Variants in GTF2H5 observed in about 807,000 individuals in gnomAD.
GTF2H5 encodes general transcription factor IIH subunit 5.
A neutral mutation model predicts 7.1 loss-of-function variants in GTF2H5; 5 were observed. That is an observed-to-expected ratio of 0.71 (90% CI 0.37 to 1.49). The LOEUF (loss-of-function observed/expected upper bound fraction) is 1.49, where lower values mean the gene tolerates loss of function less well. Ranked by LOEUF, GTF2H5 falls within the 40% of genes most tolerant of loss-of-function variation. The probability of loss-of-function intolerance (pLI) is 0.03; values close to 1 mark genes in which losing one functional copy is unlikely to be tolerated. For synonymous variants in GTF2H5, 30 were observed against 31.7 expected (o/e 0.95, Z 0.18); for missense variants, 80 against 83.0 (o/e 0.96, Z 0.14).
rs930613603 is a variant in GTF2H5, at chr6:158,195,374, G to A, written c.*3217G>A. 11 of 152,034 alleles carry A rather than the reference G, an allele frequency of 7.2e-5. No homozygotes were observed. The highest frequency in any genetic ancestry group is 1.3e-4 in the Non-Finnish European group (9 of 67,994). The allele number at this position is 152,034 out of a possible 1,614,324, so 9.4% of individuals were successfully genotyped here. ...GGTTTTTTCTTTTAATACTGTATTA[G>A]GTCAAATTCAAGGTCTTAATTCCTT... On this transcript the variant is annotated 3_prime_UTR_variant, in exon 3 of 3. Transcript: ENST00000607778.
At chr6:158,169,849 A>G (rs1304808308) in intron 1 of GTF2H5, among the ~76,000 whole-genome samples, 1 of 137,038 alleles carries the variant, frequency 7.3e-6, no homozygotes, top group East Asian at 2.0e-4. Context: ...ACACACACAC[A>G]CACACGATAC....
Position 158,196,319 on chromosome 6 carries a change from T to TCTAGA in GTF2H5, c.*4163_*4167dup, listed in dbSNP as rs1301659682. On this transcript the variant is annotated 3_prime_UTR_variant, in exon 3 of 3. Transcript: ENST00000607778. ...ATAAAAATGAAAAGCACTGATTGAA[T>TCTAGA]CTAGATTCCTTGAGTCCAAGTGTCA... is the stretch of plus-strand genomic sequence containing the variant. The TCTAGA allele has an allele frequency of 6.6e-6, 1 of 152,156 alleles. No individual in the cohort carries two copies. Among genetic ancestry groups the TCTAGA allele is most frequent in the East Asian group, 1.9e-4 (1 of 5,186 alleles). The allele number at this position is 152,156 out of a possible 1,614,324, so 9.4% of individuals were successfully genotyped here.
At chr6:158,182,165 T>A (rs576758699) in intron 2 of GTF2H5, among the ~76,000 whole-genome samples, 3 of 152,362 alleles carry the variant, frequency 2.0e-5, no homozygotes, top group Non-Finnish European at 4.4e-5. Context: ...AAATTCTGGG[T>A]TGAAAATTCT....
intron 1 of GTF2H5, among the ~76,000 whole-genome samples, chr6:158,169,622 AAT>A (rs1457235408): frequency 1.2e-5 from 1 of 85,894 alleles, no homozygotes; most frequent in Non-Finnish European, 1.9e-5. Flanking sequence ...TATTACATAT[AAT>A]ATATTGTATA....
chr6:158,168,370 A>T lies in GTF2H5; in HGVS notation c.-60A>T, dbSNP rs1025569674. 8 of 152,300 alleles carry T rather than the reference A, an allele frequency of 5.3e-5. No individual in the cohort carries two copies. Among genetic ancestry groups the T allele is most frequent in the African/African-American group, 1.9e-4 (8 of 41,458 alleles). 9.4% of individuals were successfully genotyped at this position (152,300 alleles called of 1,614,324 possible). On this transcript the variant is annotated 5_prime_UTR_variant, in exon 1 of 3. Coordinates refer to ENST00000607778, the MANE Select transcript of GTF2H5 (RefSeq NM_207118.3). The stretch of plus-strand genomic sequence containing the variant: ...CAGGCGCACTCTGCCGGCAACGCCG[A>T]GGCGCTTCTGCATCTGTGGGCCGAG...
chr6:158,169,752 ATATATTG>A (rs1785808957), intron 1 of GTF2H5, among the ~76,000 whole-genome samples: 1 of 66,384 alleles, frequency 1.5e-5, no homozygotes, highest in Non-Finnish European at 2.7e-5. Flanking sequence ...ATATTATATA[ATATATTG>A]TATATTATAT....
intron 2 of GTF2H5, among the ~76,000 whole-genome samples, chr6:158,181,587 A>G (rs1387768157): frequency 1.3e-5 from 2 of 152,174 alleles, no homozygotes; most frequent in African/African-American, 4.8e-5. Context: ...TAGGTTAGTT[A>G]GCTCTTCTTG....
At chr6:158,175,273 C>T (rs1785918950) in intron 2 of GTF2H5, among the ~76,000 whole-genome samples, 1 of 151,996 alleles carries the variant, frequency 6.6e-6, no homozygotes, top group African/African-American at 2.4e-5. Flanking sequence ...TATACTAGGC[C>T]TCCTTTTAGC....
intron 2 of GTF2H5, among the ~76,000 whole-genome samples, chr6:158,185,943 G>A (rs1308024240): frequency 1.3e-5 from 2 of 152,110 alleles, no homozygotes; most frequent in Admixed American, 6.6e-5. Context: ...GCAGTGAGCC[G>A]TGATGACGCC....
In GTF2H5 at chr6:158,194,265, A is replaced by C. The variant is rs145383091; in HGVS notation, c.*2108A>C. On this transcript the variant is annotated 3_prime_UTR_variant, in exon 3 of 3. Transcript: ENST00000607778. Reference sequence around the variant, plus strand: ...TACCCGAGCAAGTTAGAGGAACGCCACACTTTGAGACGAATTTAAAAGTCC... The same window carrying C: ...TACCCGAGCAAGTTAGAGGAACGCCCCACTTTGAGACGAATTTAAAAGTCC... The C allele has an allele frequency of 6.6e-6, 1 of 152,332 alleles. No homozygotes were observed. The highest frequency in any genetic ancestry group is 1.5e-5 in the Non-Finnish European group (1 of 68,032). 9.4% of individuals were successfully genotyped at this position (152,332 alleles called of 1,614,324 possible).
intron 2 of GTF2H5, among the ~76,000 whole-genome samples, chr6:158,176,256 TCTCA>T (rs529642128): frequency 2.0e-5 from 3 of 151,406 alleles, no homozygotes; most frequent in Non-Finnish European, 4.4e-5. Flanking sequence ...TGAAACGGAG[TCTCA>T]CTGTCACCCA....
chr6:158,172,846 C>T (rs753285140), intron 2 of GTF2H5, among the ~76,000 whole-genome samples: 2 of 152,056 alleles, frequency 1.3e-5, no homozygotes, highest in African/African-American at 4.8e-5. Context: ...ATTAAACCTA[C>T]GTTTTAATTT....
intron 1 of GTF2H5, among the ~76,000 whole-genome samples, chr6:158,169,158 C>T (rs920897280): frequency 2.0e-5 from 3 of 148,582 alleles, no homozygotes; most frequent in Non-Finnish European, 3.0e-5. Context: ...CGCTTGAGCC[C>T]GGGAGGCAGA....
At chr6:158,178,264 A>G (rs1785959577) in intron 2 of GTF2H5, among the ~76,000 whole-genome samples, 1 of 152,100 alleles carries the variant, frequency 6.6e-6, no homozygotes, top group East Asian at 1.9e-4. Context: ...AGACAGGCGG[A>G]TCACGAGGTC....
chr6:158,169,183 G>C (rs533547645), intron 1 of GTF2H5, among the ~76,000 whole-genome samples: 1 of 146,938 alleles, frequency 6.8e-6, no homozygotes, highest in African/African-American at 2.5e-5. Context: ...GCAGTGAGCC[G>C]ACATCACGAC....
intron 2 of GTF2H5, chr6:158,190,832 A>G (rs967069941): frequency 6.9e-6 from 3 of 432,976 alleles, no homozygotes; most frequent in East Asian, 5.8e-5. Flanking sequence ...ACATTTTTAT[A>G]TTCATTTTTT....
intron 2 of GTF2H5, among the ~76,000 whole-genome samples, chr6:158,175,330 C>T (rs1189246982): frequency 1.3e-5 from 2 of 152,112 alleles, no homozygotes; most frequent in Non-Finnish European, 2.9e-5. Context: ...TGTTGTCTTC[C>T]AGTCATAGCT....
intron 2 of GTF2H5, among the ~76,000 whole-genome samples, chr6:158,189,302 AC>A (rs756751173): frequency 5.9e-5 from 9 of 151,988 alleles, no homozygotes; most frequent in Admixed American, 2.6e-4. Context: ...CTACCCACCA[AC>A]CCTCCTCTTT....
In GTF2H5 at chr6:158,199,234, T is replaced by C. The variant is rs542306319; in HGVS notation, c.*7077T>C. The stretch of plus-strand genomic sequence containing the variant: ...CTCCGTTTAAGTACAGTGTTCACTC[T>C]TTGGGTAATGTGTACAATAGAAGCC... On this transcript the variant is annotated 3_prime_UTR_variant, in exon 3 of 3. Transcript: ENST00000607778. The C allele has an allele frequency of 1.3e-5, 2 of 152,338 alleles. No homozygotes were observed. Among genetic ancestry groups the C allele is most frequent in the East Asian group, 3.9e-4 (2 of 5,188 alleles). 9.4% of individuals were successfully genotyped at this position (152,338 alleles called of 1,614,324 possible). A position where few individuals can be genotyped will look rare whatever the true frequency, so the allele number is the denominator to read the frequency against.
Sources: allele counts gnomAD v4.1 joint callset (sites outside exome capture counted in the v4.1 genomes callset), GRCh38; gene constraint gnomAD v4.1.1; transcripts MANE v1.5; gene names NCBI Gene and HGNC (gene_info 2026-07-23, HGNC 2026-07-21).